Variants in SLC38A7 observed in about 807,000 individuals in gnomAD.
The protein encoded by SLC38A7 is sodium-coupled neutral amino acid transporter 7.
Under a neutral mutation model 50.1 loss-of-function variants are expected in SLC38A7, and 29 were observed. The ratio of observed to expected loss-of-function variants is 0.58; its 90% CI spans 0.43 to 0.79. The LOEUF is 0.79. SLC38A7 is among the 30% of genes least tolerant of loss of function. The pLI is 0.00. For synonymous variants in SLC38A7, 244 were observed against 245.9 expected (o/e 0.99, Z 0.07); for missense variants, 483 against 610.6 (o/e 0.79, Z 2.20).
chr16:58,676,401 C>T (rs2044267821), intron 6 of SLC38A7, 55 bp from the exon 7 acceptor site: 4 of 1,592,090 alleles, frequency 2.5e-6, no homozygotes, highest in Non-Finnish European at 2.6e-6. Context: ...AGCCACAACC[C>T]ACCCCACGCC....
rs529800267 is a variant in SLC38A7, at chr16:58,677,331, C to T, written c.705G>A (p.Leu235=). Residue 235 remains leucine, a synonymous_variant, in exon 6 of 12, where the codon CTG becomes CTA. Coordinates refer to ENST00000219320, the MANE Select transcript of SLC38A7 (RefSeq NM_018231.3). ...PDKEMTPGNI[L]TRPASWMAVF... Reference sequence around the variant, plus strand: ...CCTAGGGCCCTCACCCTCACCTGGTCAGGATGTTCCCTGGGGTCATCTCTT... The same window carrying T: ...CCTAGGGCCCTCACCCTCACCTGGTTAGGATGTTCCCTGGGGTCATCTCTT... 1 of 1,613,878 alleles carries T rather than the reference C, an allele frequency of 6.2e-7. No individual in the cohort carries two copies. The highest frequency in any genetic ancestry group is 1.1e-5 in the South Asian group (1 of 91,066).
intron 8 of SLC38A7, among the ~76,000 whole-genome samples, chr16:58,673,558 T>A (rs895300652): frequency 2.6e-5 from 4 of 151,896 alleles, no homozygotes; most frequent in Non-Finnish European, 5.9e-5. Context: ...AAGATGGGGT[T>A]TCGCCATGTT....
At chr16:58,667,542 G>A in intron 11 of SLC38A7, 55 bp from the exon 12 acceptor site, 1 of 1,317,498 alleles carries the variant, frequency 7.6e-7, no homozygotes, top group Non-Finnish European at 1.1e-6. Flanking sequence ...CATGACTGCA[G>A]ACTTCAATAT....
chr16:58,676,179 T>TC, intron 7 of SLC38A7, 110 bp downstream of exon 7: 1 of 1,559,436 alleles, frequency 6.4e-7, no homozygotes, highest in Non-Finnish European at 8.8e-7. Context: ...GTTCCATCCT[T>TC]CCCCCCAGGA....
At chr16:58,679,436 C>T (rs2044339396) in intron 3 of SLC38A7, among the ~76,000 whole-genome samples, 1 of 152,108 alleles carries the variant, frequency 6.6e-6, no homozygotes, top group South Asian at 2.1e-4. Flanking sequence ...GGCATGTATC[C>T]ATCACTCAGC....
intron 11 of SLC38A7, among the ~76,000 whole-genome samples, chr16:58,668,671 C>T (rs1325450661): frequency 1.5e-5 from 2 of 130,306 alleles, no homozygotes; most frequent in South Asian, 2.6e-4. Context: ...GCAGAGATCG[C>T]GCCATTGCAC....
intron 11 of SLC38A7, among the ~76,000 whole-genome samples, chr16:58,667,781 G>A (rs915439309): frequency 1.3e-5 from 2 of 152,156 alleles, no homozygotes; most frequent in African/African-American, 4.8e-5. Flanking sequence ...CACATGGAAT[G>A]TGGTCTATTT....
At chr16:58,671,657 G>C (rs1376979749) in intron 9 of SLC38A7, 6 of 226,274 alleles carry the variant, frequency 2.7e-5, no homozygotes, top group Non-Finnish European at 8.8e-6. Flanking sequence ...GAACTCCTGG[G>C]CTCCAGCCAT....
Position 58,674,940 on chromosome 16 carries a change from G to A in SLC38A7, c.883+1000C>T, listed in dbSNP as rs76230205. Among the ~76,000 whole-genome samples the A allele has an allele frequency of 5.3e-4, 80 of 151,930 alleles. 1 individual carries two copies. Among genetic ancestry groups the A allele is most frequent in the South Asian group, 2.1e-4 (1 of 4,810 alleles). On this transcript the variant is annotated intron_variant, in intron 8 of 11. Transcript: ENST00000219320. Reference sequence around the variant, plus strand: ...ACCCCCCTGCTTAAAACACTTCCTCGATGACTCCCAGCAGCCCTCGAGGCC... The same window carrying A: ...ACCCCCCTGCTTAAAACACTTCCTCAATGACTCCCAGCAGCCCTCGAGGCC...
chr16:58,667,857 T>C (rs1239852965), intron 11 of SLC38A7, among the ~76,000 whole-genome samples: 1 of 152,128 alleles, frequency 6.6e-6, no homozygotes, highest in Admixed American at 6.6e-5. Context: ...GCAACAGGGA[T>C]AAAACGGAAT....
intron 11 of SLC38A7, among the ~76,000 whole-genome samples, chr16:58,669,678 A>C (rs12920787): frequency 0.047 from 6,500 of 138,040 alleles, 165 homozygotes; most frequent in South Asian, 0.086. Context: ...ATTAAAAAAA[A>C]AACAACAACA....
Position 58,670,149 on chromosome 16 carries a change from G to C in SLC38A7, c.1250C>G (p.Ala417Gly), listed in dbSNP as rs1174824249. The change falls in exon 11 of 12, where the codon GCC becomes GGC. Residue 417 changes from alanine to glycine, a missense_variant. Transcript: ENST00000219320. ...GACCTCTTCCATCTCAGAGAGTTTGGCTTGAATGAGGCACAGCCCTGAAAG... is the reference window on the plus strand; with the variant it reads ...GACCTCTTCCATCTCAGAGAGTTTGCCTTGAATGAGGCACAGCCCTGAAAG... Reference protein sequence around the residue: ...FVFPGLCLIQAKLSEMEEVKP... With the variant: ...FVFPGLCLIQGKLSEMEEVKP... The C allele has an allele frequency of 6.2e-7, 1 of 1,614,146 alleles. No individual in the cohort carries two copies. Among genetic ancestry groups the C allele is most frequent in the Admixed American group, 1.7e-5 (1 of 60,018 alleles).
At position 58,671,488 on chromosome 16, in the gene SLC38A7, A is replaced by C. The variant is rs969847946; in HGVS notation, c.1032-244T>G. 4 of 579,920 alleles carry C rather than the reference A, an allele frequency of 6.9e-6. No individual in the cohort carries two copies. In the Admixed American group the frequency reaches 1.2e-4, roughly 17 times the overall value. The allele number at this position is 579,920 out of a possible 1,614,324, so 35.9% of individuals were successfully genotyped here. The stretch of plus-strand genomic sequence containing the variant: ...GAAACTGATATTGTTTTTTCCTTAA[A>C]AGGAACTGTCTGGGGCATCCAAAGG... On this transcript the variant is annotated intron_variant, in intron 9 of 11. Coordinates refer to ENST00000219320, the MANE Select transcript of SLC38A7 (RefSeq NM_018231.3).
chr16:58,672,030 CAAAGG>C (rs67441109), intron 9 of SLC38A7, 61 bp downstream of exon 9: 299,594 of 1,471,920 alleles, frequency 0.2, 33,101 homozygotes, highest in African/African-American at 0.39. Flanking sequence ...CACACAAGGC[CAAAGG>C]ACCATGTTGG....
intron 10 of SLC38A7, 144 bp downstream of exon 10, chr16:58,670,901 G>T: frequency 1.2e-6 from 1 of 837,224 alleles, no homozygotes; most frequent in Non-Finnish European, 1.9e-6. Flanking sequence ...TTGGATAGGG[G>T]CTAGTACAGA....
In SLC38A7 at chr16:58,667,075, T is replaced by C. The variant is rs993275445; in HGVS notation, c.*310A>G. On this transcript the variant is annotated 3_prime_UTR_variant, in exon 12 of 12. Transcript: ENST00000219320. ...TCAGACTGGATTCTTTCTTATGAGA[T>C]CTACCGACTCTCTTCACCCGTGGAT... is the stretch of plus-strand genomic sequence containing the variant. The C allele has an allele frequency of 2.2e-6, 1 of 457,396 alleles. No homozygotes were observed. The allele number at this position is 457,396 out of a possible 1,614,324, so 28.3% of individuals were successfully genotyped here.
chr16:58,671,280 C>T (rs1266765131), intron 9 of SLC38A7, 36 bp from the exon 10 acceptor site: 1 of 1,595,194 alleles, frequency 6.3e-7, no homozygotes. Context: ...GGTGCCCCTG[C>T]TGCTAGCAGC....
At chr16:58,672,821 G>C (rs2044184177) in intron 8 of SLC38A7, among the ~76,000 whole-genome samples, 1 of 151,894 alleles carries the variant, frequency 6.6e-6, no homozygotes, top group East Asian at 1.9e-4. Context: ...TAATTTTCTT[G>C]TAGAGATGGG....
chr16:58,671,173 C>A lies in SLC38A7; in HGVS notation c.1103G>T (p.Arg368Leu). Residue 368 changes from arginine (R) to leucine (L), a missense_variant, in exon 10 of 12, where the codon CGG becomes CTG. By Grantham distance (102) the Arg-to-Leu change is moderately radical (BLOSUM62 -2). Coordinates refer to ENST00000219320, the MANE Select transcript of SLC38A7 (RefSeq NM_018231.3). Reference protein sequence around the residue: ...PVEEDVGRERRRRVLQTLVWF... With the variant: ...PVEEDVGRERLRRVLQTLVWF... ...GACCAGCGTCTGCAGCACTCGCCGC[C>A]GCCGCTCCCGCCCCACGTCCTCCTC... 6.2e-7 allele frequency: 1 copy of A among 1,613,924 alleles called. No individual in the cohort carries two copies. Among genetic ancestry groups the A allele is most frequent in the South Asian group, 1.1e-5 (1 of 91,074 alleles).
Sources: gnomAD v4.1 joint callset for allele counts (sites outside exome capture counted in the v4.1 genomes callset) on GRCh38, gnomAD v4.1.1 for gene constraint, MANE v1.5 for transcripts, NCBI Gene and HGNC (gene_info 2026-07-23, HGNC 2026-07-21) for gene names.